The following ANKRD42 variants were observed in gnomAD, a reference collection of about 807,000 sequenced individuals.
ANKRD42 encodes ankyrin repeat domain-containing protein 42.
A neutral mutation model predicts 51.5 loss-of-function variants in ANKRD42; 43 were observed. That is an observed-to-expected ratio of 0.83 (90% confidence interval 0.65 to 1.08). The LOEUF is 1.08. Ranked by LOEUF, ANKRD42 falls within the 50% of genes least tolerant of loss-of-function variation. The pLI, the probability that ANKRD42 is intolerant of heterozygous loss-of-function variation, is 0.00. For missense variants in ANKRD42, 608 were observed against 629.3 expected (o/e 0.97, Z 0.36); for synonymous variants, 203 against 213.0 (o/e 0.95, Z 0.41).
At chr11:83,213,317 G>A (rs1286580796) in intron 5 of ANKRD42, 8 of 1,585,976 alleles carry the variant, frequency 5.0e-6, no homozygotes, top group Admixed American at 1.7e-5. Flanking sequence ...TCCAAGAACT[G>A]CAAAGCCATC....
Position 83,213,144 on chromosome 11 carries a change from G to A in ANKRD42, c.586+1714G>A. On this transcript the variant is annotated intron_variant, in intron 5 of 10. Transcript: ENST00000533342. ...AGAGGTATTGACAACAGGGTTCGTA[G>A]AAGGTTCAAGGACCAATCTTGATGC... 3.1e-6 allele frequency: 5 copies of A among 1,601,794 alleles called. No homozygotes were observed. In the South Asian group the frequency reaches 5.5e-5, roughly 18 times the overall value.
chr11:83,239,253 T>G (rs1863315726), intron 8 of ANKRD42, among the ~76,000 whole-genome samples: 1 of 152,216 alleles, frequency 6.6e-6, no homozygotes, highest in East Asian at 1.9e-4. Context: ...TTTGCCCACT[T>G]TAAAAAATTG....
chr11:83,228,222 T>C (rs986787191), intron 7 of ANKRD42, among the ~76,000 whole-genome samples: 1 of 47,246 alleles, frequency 2.1e-5, no homozygotes, highest in African/African-American at 1.3e-4. Context: ...AAATCATCCC[T>C]CTCTCTCTCT....
In ANKRD42 at chr11:83,196,398, A is replaced by AGTGTGTGT. The variant is rs145815586; in HGVS notation, c.58+1696_58+1703dup. On this transcript the variant is annotated intron_variant, in intron 1 of 10. Coordinates refer to ENST00000533342, the MANE Select transcript of ANKRD42 (RefSeq NM_001300975.2). ...TAGGATTTGTGTGTGAGTGTGTGAG[A>AGTGTGTGT]GTGTGTGTGTGTGTGTGTGTGTGTG... 4.3e-4 allele frequency among the ~76,000 whole-genome samples: 54 copies of AGTGTGTGT among 124,808 alleles called. No individual in the cohort carries two copies. The East Asian group carries it at 7.4e-3, about 17-fold the overall frequency. 81.9% of individuals were successfully genotyped at this position (124,808 alleles called of 152,430 possible).
intron 9 of ANKRD42, among the ~76,000 whole-genome samples, chr11:83,241,390 T>A (rs1229646548): frequency 6.6e-6 from 1 of 152,096 alleles, no homozygotes; most frequent in African/African-American, 2.4e-5. Context: ...AAATAATTGA[T>A]AAGAAAATAG....
intron 5 of ANKRD42, chr11:83,213,703 C>A: frequency 3.0e-6 from 1 of 335,092 alleles, no homozygotes. Context: ...TAGTTCAAAT[C>A]TTTTGCCTAT....
intron 7 of ANKRD42, 98 bp downstream of exon 7, chr11:83,227,970 T>G: frequency 1.5e-6 from 2 of 1,379,174 alleles, no homozygotes; most frequent in Non-Finnish European, 1.9e-6. Flanking sequence ...AACATGAAAC[T>G]TTTTTCTGAT....
At chr11:83,217,482 T>G (rs563379205) in intron 5 of ANKRD42, among the ~76,000 whole-genome samples, 2 of 152,306 alleles carry the variant, frequency 1.3e-5, no homozygotes, top group South Asian at 4.1e-4. Flanking sequence ...CGTCGGATAG[T>G]AACAGACTTT....
At chr11:83,256,270 A>G (rs1863772742), downstream of ANKRD42, among the ~76,000 whole-genome samples, 1 of 152,228 alleles carries the variant, frequency 6.6e-6, no homozygotes, top group South Asian at 2.1e-4. Context: ...ATTATTAAAA[A>G]TTCAATTATG....
chr11:83,242,452 A>G (rs923057383), intron 9 of ANKRD42, among the ~76,000 whole-genome samples: 1 of 151,824 alleles, frequency 6.6e-6, no homozygotes, highest in Non-Finnish European at 1.5e-5. Context: ...TGGTGTATTT[A>G]GAAGAGAGAA....
At chr11:83,205,584 T>A (rs890388332) in intron 2 of ANKRD42, among the ~76,000 whole-genome samples, 3 of 152,242 alleles carry the variant, frequency 2.0e-5, no homozygotes, top group African/African-American at 4.8e-5. Context: ...TCATTTTTTT[T>A]AAATAAACCA....
chr11:83,207,437 A>G (rs184070562), intron 3 of ANKRD42, among the ~76,000 whole-genome samples: 2 of 152,360 alleles, frequency 1.3e-5, no homozygotes, highest in South Asian at 2.1e-4. Flanking sequence ...AATGAAAAAT[A>G]TAGATGAGAA....
At chr11:83,224,813 T>A (rs1455463211) in intron 5 of ANKRD42, 42 bp from the exon 6 acceptor site, 16 of 1,458,966 alleles carry the variant, frequency 1.1e-5, no homozygotes, top group East Asian at 2.5e-5. Flanking sequence ...ATAAAAATTT[T>A]AAAAAATAAA....
chr11:83,209,921 A>C (rs1167420586), intron 3 of ANKRD42: 2 of 389,730 alleles, frequency 5.1e-6, no homozygotes, highest in African/African-American at 4.1e-5. Context: ...AGATGGAGGA[A>C]GCATCTGAGT....
intron 9 of ANKRD42, among the ~76,000 whole-genome samples, chr11:83,244,522 G>T (rs1055754981): frequency 1.3e-5 from 2 of 152,144 alleles, no homozygotes; most frequent in African/African-American, 4.8e-5. Flanking sequence ...TAATTATTTT[G>T]TTGAGGCAAG....
chr11:83,217,039 G>A (rs1447770252), intron 5 of ANKRD42, among the ~76,000 whole-genome samples: 1 of 147,456 alleles, frequency 6.8e-6, no homozygotes, highest in African/African-American at 2.5e-5. Flanking sequence ...GGTAGAAGCT[G>A]TGAGTTGAGC....
chr11:83,234,841 G>A (rs577058660), intron 7 of ANKRD42, among the ~76,000 whole-genome samples: 39 of 152,200 alleles, frequency 2.6e-4, no homozygotes, highest in Non-Finnish European at 4.3e-4. Flanking sequence ...CTCTGCAGAA[G>A]CCAGCTTGTA....
chr11:83,262,084 A>G (rs1863959984), downstream of ANKRD42: 3 of 650,956 alleles, frequency 4.6e-6, no homozygotes, highest in Non-Finnish European at 7.8e-6. Context: ...CCAATTTTCT[A>G]TCCTATGTTT....
intron 3 of ANKRD42, among the ~76,000 whole-genome samples, chr11:83,207,979 C>T (rs1420645869): frequency 6.6e-6 from 1 of 152,076 alleles, no homozygotes; most frequent in African/African-American, 2.4e-5. Context: ...GTTTTTCCCC[C>T]CCTCCTCAAC....
Sources: allele counts gnomAD v4.1 joint callset (sites outside exome capture counted in the v4.1 genomes callset), GRCh38; gene constraint gnomAD v4.1.1; transcripts MANE v1.5; gene names NCBI Gene and HGNC (gene_info 2026-07-23, HGNC 2026-07-21).